Variants in PCDH15 observed in about 807,000 individuals in gnomAD.
PCDH15 encodes the protein protocadherin related 15.
Under a neutral mutation model 178.5 loss-of-function variants are expected in PCDH15, and 129 were observed. That is an observed-to-expected ratio of 0.72 (90% CI 0.63 to 0.84). The LOEUF (loss-of-function observed/expected upper bound fraction) is 0.84, where lower values mean the gene tolerates loss of function less well. Among genes scored for constraint, PCDH15 ranks in the 40% least tolerant of loss-of-function variants. The pLI is 0.00. For missense variants in PCDH15, 2,230 were observed against 2,099.9 expected (o/e 1.06, Z -1.21); for synonymous variants, 800 against 732.0 (o/e 1.09, Z -1.50).
chr10:53,898,983 T>G (rs1283671282), intron 26 of PCDH15, among the ~76,000 whole-genome samples: 2 of 152,248 alleles, frequency 1.3e-5, no homozygotes, highest in South Asian at 2.1e-4. Flanking sequence ...ATTAACTCAG[T>G]GGTACAAACA....
At chr10:54,365,220 C>T (rs1415843232) in intron 5 of PCDH15, among the ~76,000 whole-genome samples, 1 of 152,054 alleles carries the variant, frequency 6.6e-6, no homozygotes, top group Non-Finnish European at 1.5e-5. Context: ...AATTATATGA[C>T]CTCCCAAACA....
At chr10:53,944,348 G>C (rs2086345132) in intron 23 of PCDH15, among the ~76,000 whole-genome samples, 1 of 152,058 alleles carries the variant, frequency 6.6e-6, no homozygotes. Context: ...CTACCATTCT[G>C]AACCTGATAT....
chr10:55,103,819 G>T (rs1038096758), intron 2 of PCDH15, among the ~76,000 whole-genome samples: 1 of 152,072 alleles, frequency 6.6e-6, no homozygotes, highest in African/African-American at 2.4e-5. Flanking sequence ...TTAACTCATG[G>T]GGTTCTGGGT....
chr10:54,622,309 T>C (rs2134453342), intron 2 of PCDH15, among the ~76,000 whole-genome samples: 1 of 151,524 alleles, frequency 6.6e-6, no homozygotes, highest in East Asian at 2.0e-4. Context: ...CAGACTTCCC[T>C]GGCTTTTCCT....
chr10:53,991,457 G>A (rs2091476741), intron 21 of PCDH15, among the ~76,000 whole-genome samples: 1 of 152,150 alleles, frequency 6.6e-6, no homozygotes, highest in African/African-American at 2.4e-5. Flanking sequence ...GCACCAGTCA[G>A]TGCTCTGTGT....
intron 5 of PCDH15, among the ~76,000 whole-genome samples, chr10:54,350,604 A>G (rs931796454): frequency 5.9e-5 from 9 of 152,246 alleles, no homozygotes; most frequent in Non-Finnish European, 1.2e-4. Flanking sequence ...AGGTCTGAAA[A>G]GTCTAAAAAG....
chr10:54,099,513 A>ATATATATAT (rs1554965278), intron 15 of PCDH15, among the ~76,000 whole-genome samples: 10 of 117,904 alleles, frequency 8.5e-5, no homozygotes, highest in African/African-American at 2.7e-4. Context: ...AAAAAAAAAA[A>ATATATATAT]ATATATATAT....
intron 2 of PCDH15, among the ~76,000 whole-genome samples, chr10:55,130,572 T>G (rs1316588415): frequency 6.6e-6 from 1 of 152,102 alleles, no homozygotes; most frequent in African/African-American, 2.4e-5. Flanking sequence ...TTAACCTTCT[T>G]GTAAGTCAAT....
At chr10:54,169,174 G>A (rs1307613420) in intron 13 of PCDH15, among the ~76,000 whole-genome samples, 1 of 144,572 alleles carries the variant, frequency 6.9e-6, no homozygotes, top group Non-Finnish European at 1.5e-5. Flanking sequence ...TGGAACTCTG[G>A]CCCAAGGCTG....
chr10:54,847,048 C>G (rs117089121), intron 3 of PCDH15, among the ~76,000 whole-genome samples: 45 of 152,266 alleles, frequency 3.0e-4, no homozygotes, highest in Middle Eastern at 6.8e-3. Flanking sequence ...TTGGCCTCAG[C>G]TTCAAATGAG....
chr10:54,632,472 G>C (rs1590703320), intron 2 of PCDH15, among the ~76,000 whole-genome samples: 1 of 152,018 alleles, frequency 6.6e-6, no homozygotes, highest in East Asian at 1.9e-4. Context: ...CGATTGGCAT[G>C]ATAAATGTTA....
At chr10:55,518,323 A>G (rs1841070137) in intron 2 of PCDH15, among the ~76,000 whole-genome samples, 1 of 152,196 alleles carries the variant, frequency 6.6e-6, no homozygotes, top group East Asian at 1.9e-4. Context: ...ACTTTAACTC[A>G]TGTCAGGCTT....
At chr10:55,355,613 G>A (rs1260089094) in intron 2 of PCDH15, among the ~76,000 whole-genome samples, 4 of 151,700 alleles carry the variant, frequency 2.6e-5, no homozygotes, top group Admixed American at 1.3e-4. Context: ...TGTTACTGTC[G>A]AGTGTTTCGA....
At chr10:54,537,143 C>T (rs926721184) in intron 2 of PCDH15, among the ~76,000 whole-genome samples, 1 of 151,730 alleles carries the variant, frequency 6.6e-6, no homozygotes, top group Admixed American at 6.6e-5. Context: ...GGACTACAGG[C>T]GCCCGCTACC....
intron 2 of PCDH15, among the ~76,000 whole-genome samples, chr10:55,495,588 A>G (rs1422865033): frequency 1.3e-5 from 2 of 151,882 alleles, no homozygotes; most frequent in African/African-American, 4.8e-5. Flanking sequence ...TCAAAAGCAC[A>G]TAATAACTTG....
chr10:53,850,919 A>AT (rs1334994589), intron 28 of PCDH15, among the ~76,000 whole-genome samples: 3 of 152,154 alleles, frequency 2.0e-5, no homozygotes, highest in African/African-American at 7.2e-5. Context: ...CTCTTAAGGT[A>AT]TCTAGTGGCT....
At chr10:55,035,785 G>A (rs1362073487) in intron 2 of PCDH15, among the ~76,000 whole-genome samples, 1 of 152,124 alleles carries the variant, frequency 6.6e-6, no homozygotes. Context: ...ATGAATATGT[G>A]TGATAATGTA....
At chr10:54,632,732 C>T (rs2093735695) in intron 2 of PCDH15, among the ~76,000 whole-genome samples, 1 of 152,072 alleles carries the variant, frequency 6.6e-6, no homozygotes, top group Non-Finnish European at 1.5e-5. Context: ...CCTGCACCTG[C>T]CCCAAGACTG....
intron 6 of PCDH15, among the ~76,000 whole-genome samples, chr10:54,342,820 A>T (rs1942501534): frequency 6.6e-6 from 1 of 152,186 alleles, no homozygotes; most frequent in South Asian, 2.1e-4. Flanking sequence ...CATGGAGTCA[A>T]ATGAGATTAT....
Sources: gnomAD v4.1 joint callset for allele counts (sites outside exome capture counted in the v4.1 genomes callset) on GRCh38, gnomAD v4.1.1 for gene constraint, MANE v1.5 for transcripts, NCBI Gene and HGNC (gene_info 2026-07-23, HGNC 2026-07-21) for gene names.